SLC35F1: variants seen among roughly 807,000 people sequenced by gnomAD.
The protein encoded by SLC35F1 is chromosome 6 open reading frame 169.
A neutral mutation model predicts 48.7 loss-of-function variants in SLC35F1; 14 were observed. The ratio of observed to expected loss-of-function variants is 0.29; its 90% CI spans 0.19 to 0.45. The LOEUF is 0.45. SLC35F1 is among the 20% of genes least tolerant of loss of function. The pLI, the probability that SLC35F1 is intolerant of heterozygous loss-of-function variation, is 1.00. For missense variants in SLC35F1, 404 were observed against 500.0 expected (o/e 0.81, Z 1.83); for synonymous variants, 190 against 202.2 (o/e 0.94, Z 0.51).
At chr6:118,309,169 A>ATGTGTGTGTGTG (rs57832608) in intron 7 of SLC35F1, among the ~76,000 whole-genome samples, 100 of 148,104 alleles carry the variant, frequency 6.8e-4, no homozygotes, top group South Asian at 2.2e-4. Context: ...GGGCCTGTAG[A>ATGTGTGTGTGTG]TGTGTGTGTG....
chr6:117,925,845 G>C (rs1776020317), intron 1 of SLC35F1, among the ~76,000 whole-genome samples: 1 of 152,100 alleles, frequency 6.6e-6, no homozygotes, highest in Non-Finnish European at 1.5e-5. Flanking sequence ...TGGCACCTTT[G>C]ATAATCCAAA....
chr6:118,007,919 G>A (rs1024092389), intron 1 of SLC35F1, among the ~76,000 whole-genome samples: 4 of 152,032 alleles, frequency 2.6e-5, no homozygotes, highest in Admixed American at 6.6e-5. Flanking sequence ...TGGAGAATTC[G>A]GTTCCTTGCA....
At chr6:118,043,253 T>C (rs1388417893) in intron 1 of SLC35F1, among the ~76,000 whole-genome samples, 1 of 152,214 alleles carries the variant, frequency 6.6e-6, no homozygotes, top group Non-Finnish European at 1.5e-5. Flanking sequence ...TTTTACGAGT[T>C]GTTTAACTGT....
At chr6:118,207,328 G>C (rs1774948035) in intron 2 of SLC35F1, among the ~76,000 whole-genome samples, 1 of 152,194 alleles carries the variant, frequency 6.6e-6, no homozygotes, top group Non-Finnish European at 1.5e-5. Flanking sequence ...TCAGAGTTTT[G>C]TTGATTGTTT....
intron 4 of SLC35F1, among the ~76,000 whole-genome samples, chr6:118,268,704 G>A (rs943994650): frequency 2.4e-4 from 36 of 147,628 alleles, no homozygotes; most frequent in African/African-American, 8.6e-4. Flanking sequence ...CCACCTCCCG[G>A]GTTCAAGTGA....
In SLC35F1 at chr6:118,314,634, C is replaced by T; in HGVS notation, c.*382C>T. On this transcript the variant is annotated 3_prime_UTR_variant, in exon 8 of 8. Coordinates refer to ENST00000360388, the MANE Select transcript of SLC35F1 (RefSeq NM_001029858.4). ...CTGATGGAAACTATTGCCAGACCCA[C>T]ATGTAGTCAACATAAACCCCACTTT... The T allele has an allele frequency of 4.2e-6, 1 of 236,744 alleles. No homozygotes were observed. The highest frequency in any genetic ancestry group is 8.5e-6 in the Non-Finnish European group (1 of 117,692). 14.7% of individuals were successfully genotyped at this position (236,744 alleles called of 1,614,324 possible). A position where few individuals can be genotyped will look rare whatever the true frequency, so the allele number is the denominator to read the frequency against.
intron 2 of SLC35F1, among the ~76,000 whole-genome samples, chr6:118,208,123 T>TCA (rs60151250): frequency 0.013 from 2,008 of 150,592 alleles, 30 homozygotes; most frequent in East Asian, 0.024. Flanking sequence ...GCGCGCGCGA[T>TCA]CACACACACA....
At chr6:117,969,793 G>A (rs966426453) in intron 1 of SLC35F1, among the ~76,000 whole-genome samples, 6 of 152,080 alleles carry the variant, frequency 3.9e-5, no homozygotes, top group Non-Finnish European at 7.4e-5. Flanking sequence ...TTCTTTTCTA[G>A]AATATACATA....
chr6:118,235,962 C>A (rs1775359763), intron 3 of SLC35F1, among the ~76,000 whole-genome samples: 1 of 151,970 alleles, frequency 6.6e-6, no homozygotes, highest in African/African-American at 2.4e-5. Flanking sequence ...GCTTTGAATG[C>A]TGTCAACTAA....
chr6:118,075,433 A>C (rs1432709669), intron 1 of SLC35F1, among the ~76,000 whole-genome samples: 1 of 152,230 alleles, frequency 6.6e-6, no homozygotes, highest in East Asian at 1.9e-4. Context: ...TTTTGTGGTC[A>C]CATATCCAGA....
chr6:118,305,755 A>T (rs1475307180), intron 7 of SLC35F1, among the ~76,000 whole-genome samples: 1 of 152,236 alleles, frequency 6.6e-6, no homozygotes, highest in Non-Finnish European at 1.5e-5. Context: ...TTTGCTATAT[A>T]TACACACACA....
At chr6:118,246,024 A>G (rs930316435) in intron 3 of SLC35F1, among the ~76,000 whole-genome samples, 1 of 152,018 alleles carries the variant, frequency 6.6e-6, no homozygotes, top group Non-Finnish European at 1.5e-5. Context: ...TCTCTCTAGT[A>G]TGGACTTCCT....
In SLC35F1 at chr6:118,314,595, G is replaced by A; in HGVS notation, c.*343G>A. On this transcript the variant is annotated 3_prime_UTR_variant, in exon 8 of 8. Transcript: ENST00000360388. ...CTGTTATTACACCAACTTTCAGGAG[G>A]ATGTTTTGTACTCCTGATGGAAACT... is the stretch of plus-strand genomic sequence containing the variant. 3.6e-6 allele frequency: 1 copy of A among 274,000 alleles called. No individual in the cohort carries two copies. The highest frequency in any genetic ancestry group is 7.1e-6 in the Non-Finnish European group (1 of 140,554). The allele number at this position is 274,000 out of a possible 1,614,324, so 17.0% of individuals were successfully genotyped here. A position where few individuals can be genotyped will look rare whatever the true frequency, so the allele number is the denominator to read the frequency against.
chr6:118,225,030 C>T (rs1038204092), intron 2 of SLC35F1, among the ~76,000 whole-genome samples: 1 of 152,082 alleles, frequency 6.6e-6, no homozygotes, highest in Non-Finnish European at 1.5e-5. Context: ...GAAGAGGACA[C>T]ACAAAAAATG....
chr6:118,105,922 C>T (rs539590690), intron 1 of SLC35F1, among the ~76,000 whole-genome samples: 1 of 152,256 alleles, frequency 6.6e-6, no homozygotes, highest in East Asian at 1.9e-4. Context: ...GGACCCTTAA[C>T]ATTACTTGGC....
At chr6:118,001,244 A>C (rs985182257) in intron 1 of SLC35F1, among the ~76,000 whole-genome samples, 1 of 152,198 alleles carries the variant, frequency 6.6e-6, no homozygotes, top group African/African-American at 2.4e-5. Flanking sequence ...ACTTGTTTCA[A>C]AATAGAGATA....
At chr6:118,036,372 G>C (rs779366918) in intron 1 of SLC35F1, among the ~76,000 whole-genome samples, 1 of 152,226 alleles carries the variant, frequency 6.6e-6, no homozygotes, top group South Asian at 2.1e-4. Context: ...TCAGTTGTTA[G>C]AGAACAAATT....
intron 1 of SLC35F1, among the ~76,000 whole-genome samples, chr6:118,082,228 C>T (rs930605522): frequency 2.6e-5 from 4 of 152,170 alleles, no homozygotes; most frequent in East Asian, 1.9e-4. Flanking sequence ...TAGTTTATAA[C>T]TCAGTCCCAG....
chr6:117,990,105 T>A (rs1363992263), intron 1 of SLC35F1, among the ~76,000 whole-genome samples: 1 of 152,150 alleles, frequency 6.6e-6, no homozygotes, highest in Non-Finnish European at 1.5e-5. Flanking sequence ...TAAAAGTTGC[T>A]AAGTGGATGG....
Sources: gnomAD v4.1 joint callset for allele counts (sites outside exome capture counted in the v4.1 genomes callset) on GRCh38, gnomAD v4.1.1 for gene constraint, MANE v1.5 for transcripts, NCBI Gene and HGNC (gene_info 2026-07-23, HGNC 2026-07-21) for gene names.